Variants in MUC4 observed in about 807,000 individuals in gnomAD.
The protein encoded by MUC4 is mucin-4.
In MUC4, 202 loss-of-function variants were observed where a neutral mutation model predicts 257.9. That is an observed-to-expected ratio of 0.78 (90% confidence interval 0.70 to 0.88). The LOEUF is 0.88. MUC4 is among the 40% of genes least tolerant of loss of function. The probability of loss-of-function intolerance (pLI) is 0.00; values close to 1 mark genes in which losing one functional copy is unlikely to be tolerated. For synonymous variants in MUC4, 2,351 were observed against 2,757.1 expected (o/e 0.85, Z 4.62); for missense variants, 5,976 against 6,513.7 (o/e 0.92, Z 2.84).
Position 195,781,170 on chromosome 3 carries a change from G to C in MUC4, c.10410C>G (p.Thr3470=). Reference sequence around the variant, plus strand: ...AAGGGCTGGTGACAGGAAGAGGGGTGGTGTCACCTGTGGATGCTGAGGAAG... The same window carrying C: ...AAGGGCTGGTGACAGGAAGAGGGGTCGTGTCACCTGTGGATGCTGAGGAAG... ...TDTSSASTGD[T]TPLPVTSPSS... Residue 3470 remains threonine (T), a synonymous_variant, in exon 2 of 25, where the codon ACC becomes ACG. Transcript: ENST00000463781. The C allele has an allele frequency of 5.4e-6, 8 of 1,491,022 alleles. No homozygotes were observed. Among genetic ancestry groups the C allele is most frequent in the African/African-American group, 1.5e-5 (1 of 65,276 alleles). The allele number at this position is 1,491,022 out of a possible 1,614,324, so 92.4% of individuals were successfully genotyped here.
In MUC4 at chr3:195,784,666, A is replaced by T. The variant is rs1489758830; in HGVS notation, c.6914T>A (p.Leu2305His). ...SSASTGHATP[L>H]HVTDASSAST... ...TGCTGAGGAAGCGTCGGTGACATGA[A>T]GAGGGGTGGCGTGACCTGTGGATGC... is the stretch of plus-strand genomic sequence containing the variant. Residue 2305 changes from leucine to histidine, a missense_variant, in exon 2 of 25, where the codon CTT becomes CAT. This residue lies in a region of MUC4 where 62 missense variants were observed against 74.0 expected (regional missense o/e 0.84). Transcript: ENST00000463781. The T allele has an allele frequency of 5.8e-6, 8 of 1,380,502 alleles. No homozygotes were observed. The highest frequency in any genetic ancestry group is 1.9e-6 in the Non-Finnish European group (2 of 1,030,820). The allele number at this position is 1,380,502 out of a possible 1,614,324, so 85.5% of individuals were successfully genotyped here.
Position 195,750,917 on chromosome 3 carries a change from G to A in MUC4, c.15843C>T (p.Ser5281=), listed in dbSNP as rs779250450. Residue 5281 remains serine, a synonymous_variant, in exon 23 of 25, where the codon TCC becomes TCT. Transcript: ENST00000463781. The part of the protein sequence containing the change: ...PRNDVVFQPI[S]GEDVRDVTAL... ...CTGTCACATCGCGCACGTCTTCCCC[G>A]GAGATGGGCTGGAAGACCACGTCGT... The A allele has an allele frequency of 2.2e-5, 36 of 1,613,668 alleles. No homozygotes were observed. The highest frequency in any genetic ancestry group is 2.7e-5 in the Non-Finnish European group (32 of 1,179,940).
At chr3:195,770,188 C>T (rs769757021) in intron 6 of MUC4, 28 bp downstream of exon 6, 2 of 1,543,364 alleles carry the variant, frequency 1.3e-6, no homozygotes, top group Non-Finnish European at 1.7e-6. Context: ...CCAGATAGCT[C>T]CTGGGAGCTG....
chr3:195,752,591 C>T, intron 20 of MUC4, 145 bp from the exon 21 acceptor site: 4 of 651,506 alleles, frequency 6.1e-6, no homozygotes, highest in South Asian at 5.3e-5. Flanking sequence ...CCTCACCCTA[C>T]ATTCCACAGT....
Position 195,780,398 on chromosome 3 carries a change from G to C in MUC4, c.11182C>G (p.Pro3728Ala), listed in dbSNP as rs769680500. Residue 3728 changes from proline to alanine, a missense_variant, in exon 2 of 25, where the codon CCT becomes GCT. Physicochemically the swap from Pro to Ala is conservative, Grantham distance 27. Transcript: ENST00000463781. ...GAGGAAGGGCTGGTGACATGAAGAG[G>C]GGTGACGTGACCTGTAGATACTGAG... ...TSSVSTGHVT[P>A]LHVTSPSSAS... 1.3e-6 allele frequency: 2 copies of C among 1,529,430 alleles called. No individual in the cohort carries two copies. The highest frequency in any genetic ancestry group is 2.4e-5 in the South Asian group (2 of 83,440). The allele number at this position is 1,529,430 out of a possible 1,614,324, so 94.7% of individuals were successfully genotyped here.
intron 1 of MUC4, among the ~76,000 whole-genome samples, chr3:195,803,848 T>G (rs1023472394): frequency 1.3e-5 from 2 of 151,836 alleles, no homozygotes; most frequent in African/African-American, 4.8e-5. Context: ...GGAGAAATGG[T>G]CACTGACCTG....
At chr3:195,792,633 A>G (rs1734011411) in intron 1 of MUC4, among the ~76,000 whole-genome samples, 1 of 152,260 alleles carries the variant, frequency 6.6e-6, no homozygotes, top group African/African-American at 2.4e-5. Flanking sequence ...ATTACTGGGT[A>G]TATGCCCAAA....
intron 1 of MUC4, among the ~76,000 whole-genome samples, chr3:195,791,916 G>A (rs1733913379): frequency 6.6e-6 from 1 of 152,146 alleles, no homozygotes; most frequent in Admixed American, 6.5e-5. Flanking sequence ...AATGGTGCTG[G>A]GAAAACTGGT....
chr3:195,749,066 T>G lies in MUC4; in HGVS notation c.15872-2A>C. 6.2e-7 allele frequency: 1 copy of G among 1,607,062 alleles called. No homozygotes were observed. On this transcript the variant is annotated splice_acceptor_variant, in intron 23 of 24. Coordinates refer to ENST00000463781, the MANE Select transcript of MUC4 (RefSeq NM_018406.7). LOFTEE classifies it high-confidence loss of function. ...AAGCCTTCAGCGTGCTCACGTTCAC[T>G]GTCGGGAAGGACACAGATTAACACA...
At chr3:195,756,574 T>G (rs1238585898) in intron 18 of MUC4, among the ~76,000 whole-genome samples, 4 of 152,046 alleles carry the variant, frequency 2.6e-5, no homozygotes, top group African/African-American at 9.7e-5. Context: ...TTTCTTTCTT[T>G]CTTTCTTTTT....
chr3:195,785,785 C>T lies in MUC4; in HGVS notation c.5795G>A (p.Gly1932Asp), dbSNP rs1309910068. The change falls in exon 2 of 25, where the codon GGT becomes GAT. Residue 1932 changes from glycine (G) to aspartate (D), a missense_variant. Physicochemically the swap from Gly to Asp is moderately conservative, Grantham distance 94 (BLOSUM62 -1). Transcript: ENST00000463781. ...PVTSLSSAST[G>D]DTTPLPVTSP... ...AGTGACAGGAAGAGGCGTGGTGTCACCTGTGGATGCTGAGGAAAGGCTGGT... is the reference window on the plus strand; with the variant it reads ...AGTGACAGGAAGAGGCGTGGTGTCATCTGTGGATGCTGAGGAAAGGCTGGT... 6.7e-6 allele frequency: 10 copies of T among 1,484,780 alleles called. 1 individual carries two copies. The African/African-American group carries it at 7.3e-5, about 11-fold the overall frequency. The allele number at this position is 1,484,780 out of a possible 1,614,324, so 92.0% of individuals were successfully genotyped here.
chr3:195,762,231 C>CGGT lies in MUC4; in HGVS notation c.14365_14367dup (p.Thr4789dup). 1 of 1,588,666 alleles carries CGGT rather than the reference C, an allele frequency of 6.3e-7. No individual in the cohort carries two copies. The highest frequency in any genetic ancestry group is 8.6e-7 in the Non-Finnish European group (1 of 1,167,800). On this transcript the variant is annotated inframe_insertion, in exon 14 of 25. Transcript: ENST00000463781. ...GAGCCGTTGCGGCTCAGGAGGACTC[C>CGGT]GGTGGCGTTGAACGTCTCCTGGCCT... is the stretch of plus-strand genomic sequence containing the variant.
At chr3:195,767,669 C>T (rs1560263213) in intron 7 of MUC4, among the ~76,000 whole-genome samples, 1 of 21,032 alleles carries the variant, frequency 4.8e-5, no homozygotes, top group South Asian at 2.3e-3. Context: ...ACCACCATCA[C>T]CATCACCACC....
chr3:195,788,956 G>A lies in MUC4; in HGVS notation c.2624C>T (p.Thr875Ile). The change falls in exon 2 of 25, where the codon ACC becomes ATC. Residue 875 changes from threonine to isoleucine, a missense_variant. Around this residue, in one of 44 missense-constraint regions of MUC4, gnomAD observed 1,583 missense variants for 1,257.4 expected, o/e 1.26. Transcript: ENST00000463781. The part of the protein sequence containing the change: ...SSIVPGTFHP[T>I]LSEASTAGRP... ...CCCTGCAGTGGAGGCCTCAGAGAGG[G>A]TGGGATGAAAGGTGCCGGGGACGAT... is the stretch of plus-strand genomic sequence containing the variant. The A allele has an allele frequency of 6.2e-7, 1 of 1,613,688 alleles. No individual in the cohort carries two copies. The highest frequency in any genetic ancestry group is 8.5e-7 in the Non-Finnish European group (1 of 1,179,768).
chr3:195,774,626 G>A (rs1444718319), intron 3 of MUC4, among the ~76,000 whole-genome samples: 2 of 152,196 alleles, frequency 1.3e-5, no homozygotes, highest in Non-Finnish European at 2.9e-5. Flanking sequence ...TCTATGCTGG[G>A]TGCGGTGGCT....
rs186852063 is a variant in MUC4, at chr3:195,748,114, T to C, written c.16035-734A>G. 2.0e-5 allele frequency among the ~76,000 whole-genome samples: 3 copies of C among 152,386 alleles called. No homozygotes were observed. In the East Asian group the frequency reaches 5.8e-4, roughly 29 times the overall value. Reference sequence around the variant, plus strand: ...AGGTCTGCGTGGGGCCGCGGCTTCCTGCGCTGTTAACCAGCGGAGCCCCGG... The same window carrying C: ...AGGTCTGCGTGGGGCCGCGGCTTCCCGCGCTGTTAACCAGCGGAGCCCCGG... On this transcript the variant is annotated intron_variant, in intron 24 of 24. Transcript: ENST00000463781.
chr3:195,769,216 T>C, intron 6 of MUC4, 64 bp from the exon 7 acceptor site: 1 of 1,583,952 alleles, frequency 6.3e-7, no homozygotes, highest in South Asian at 1.1e-5. Context: ...CTCTCTTATG[T>C]CCCCCCGCCC....
chr3:195,751,013 G>T lies in MUC4; in HGVS notation c.15747C>A (p.Asn5249Lys), dbSNP rs1210631318. The T allele has an allele frequency of 6.2e-7, 1 of 1,614,036 alleles. No homozygotes were observed. Among genetic ancestry groups the T allele is most frequent in the East Asian group, 2.2e-5 (1 of 44,866 alleles). ...CCACCACCGCGGCCAGCAGCTGGTTGTTCAGGAAGTCAATGACCGGGCCCC... is the reference window on the plus strand; with the variant it reads ...CCACCACCGCGGCCAGCAGCTGGTTTTTCAGGAAGTCAATGACCGGGCCCC... ...RPRGPVIDFL[N>K]NQLLAAVVEA... is the part of the protein sequence containing the mutation. The change falls in exon 23 of 25, where the codon AAC becomes AAA. Residue 5249 changes from asparagine to lysine, a missense_variant. Asn to Lys is a moderately conservative substitution (Grantham distance 94, BLOSUM62 0). Transcript: ENST00000463781.
Position 195,771,483 on chromosome 3 carries a change from G to A in MUC4, c.13242+169C>T, listed in dbSNP as rs560966444. 5.3e-5 allele frequency among the ~76,000 whole-genome samples: 8 copies of A among 150,796 alleles called. No homozygotes were observed. The South Asian group carries it at 1.7e-3, about 32-fold the overall frequency. On this transcript the variant is annotated intron_variant, in intron 5 of 24. Coordinates refer to ENST00000463781, the MANE Select transcript of MUC4 (RefSeq NM_018406.7). ...CTCGTGGTTGGGTTGGGGTACTCCT[G>A]AGTCAGCTTAATGTCCCTTGACTGC...
Sources: allele counts gnomAD v4.1 joint callset (sites outside exome capture counted in the v4.1 genomes callset), GRCh38; gene constraint gnomAD v4.1.1; regional missense constraint gnomAD v4.1.1; transcripts MANE v1.5; gene names NCBI Gene and HGNC (gene_info 2026-07-23, HGNC 2026-07-21).